The following NFIA variants were observed in gnomAD, a reference collection of about 807,000 sequenced individuals.
NFIA encodes nuclear factor 1 A-type.
Under a neutral mutation model 62.8 loss-of-function variants are expected in NFIA, and 8 were observed. The ratio of observed to expected loss-of-function variants is 0.13; its 90% CI spans 0.07 to 0.23. NFIA has a LOEUF of 0.23. NFIA is among the 10% of genes least tolerant of loss of function. The pLI, the probability that NFIA is intolerant of heterozygous loss-of-function variation, is 1.00. For synonymous variants in NFIA, 235 were observed against 238.1 expected (o/e 0.99, Z 0.12); for missense variants, 410 against 642.1 (o/e 0.64, Z 3.91).
intron 2 of NFIA, among the ~76,000 whole-genome samples, chr1:61,166,816 T>C (rs769683926): frequency 2.0e-5 from 3 of 152,194 alleles, no homozygotes; most frequent in African/African-American, 7.2e-5. Flanking sequence ...AGGATAAATA[T>C]AGTGTTCTTG....
intron 10 of NFIA, among the ~76,000 whole-genome samples, chr1:61,433,624 T>C (rs542862703): frequency 6.6e-6 from 1 of 152,200 alleles, no homozygotes; most frequent in Non-Finnish European, 1.5e-5. Flanking sequence ...TAACACCTAA[T>C]GAATACCTAA....
At chr1:61,147,575 A>G (rs1182061965) in intron 2 of NFIA, among the ~76,000 whole-genome samples, 1 of 152,238 alleles carries the variant, frequency 6.6e-6, no homozygotes, top group Non-Finnish European at 1.5e-5. Context: ...AAAAATTTTA[A>G]ATTAGAATCT....
chr1:61,428,422 G>A (rs1034896325), intron 10 of NFIA, among the ~76,000 whole-genome samples: 26 of 147,816 alleles, frequency 1.8e-4, no homozygotes, highest in Admixed American at 1.2e-3. Context: ...AATATTTGGC[G>A]TCATGGGGAC....
intron 2 of NFIA, among the ~76,000 whole-genome samples, chr1:61,110,064 G>T (rs1025331065): frequency 6.6e-6 from 1 of 151,618 alleles, no homozygotes; most frequent in Non-Finnish European, 1.5e-5. Context: ...AGAGATAAGG[G>T]GGGCAGAGAG....
chr1:61,304,076 G>C (rs1375535847), intron 3 of NFIA, among the ~76,000 whole-genome samples: 1 of 152,070 alleles, frequency 6.6e-6, no homozygotes, highest in Non-Finnish European at 1.5e-5. Flanking sequence ...GGAAGTTCGA[G>C]ACCAGCCTGG....
intron 2 of NFIA, among the ~76,000 whole-genome samples, chr1:61,212,827 C>G (rs1653351076): frequency 6.6e-6 from 1 of 152,188 alleles, no homozygotes; most frequent in African/African-American, 2.4e-5. Flanking sequence ...TGTGGTTAAA[C>G]CACTTGTGGA....
At chr1:61,268,279 C>T (rs779919290) in intron 2 of NFIA, among the ~76,000 whole-genome samples, 10 of 152,208 alleles carry the variant, frequency 6.6e-5, no homozygotes, top group Non-Finnish European at 1.2e-4. Flanking sequence ...ATTCTTACTC[C>T]TATCCTTTCA....
chr1:61,322,736 A>C (rs1660739966), intron 3 of NFIA, among the ~76,000 whole-genome samples: 1 of 152,154 alleles, frequency 6.6e-6, no homozygotes, highest in Admixed American at 6.6e-5. Context: ...TTCTCCTAGA[A>C]AGGTATTACA....
At chr1:61,077,534 A>G, upstream of NFIA, 1 of 1,105,176 alleles carries the variant, frequency 9.0e-7, no homozygotes, top group Non-Finnish European at 1.2e-6. Flanking sequence ...AAGTTTATTT[A>G]GATATTTTTT....
chr1:61,101,411 A>G lies in NFIA; in HGVS notation c.559+12731A>G, dbSNP rs1354404550. ...ACTCCATCTCAAAAAAAAAAAAAAA[A>G]AAAGTAGTTCGCCACCATAGCATGT... On this transcript the variant is annotated intron_variant, in intron 2 of 10. Transcript: ENST00000403491. Among the ~76,000 whole-genome samples, 5 of 152,150 alleles carry G rather than the reference A, an allele frequency of 3.3e-5. No homozygotes were observed. In the East Asian group the frequency reaches 7.7e-4, roughly 24 times the overall value.
intron 2 of NFIA, among the ~76,000 whole-genome samples, chr1:61,141,744 T>C (rs1413704045): frequency 2.6e-5 from 4 of 152,206 alleles, no homozygotes; most frequent in Non-Finnish European, 4.4e-5. Context: ...CACACCAAAA[T>C]AGTTTCATTA....
chr1:61,296,698 C>A (rs1309287198), intron 3 of NFIA, among the ~76,000 whole-genome samples: 2 of 152,122 alleles, frequency 1.3e-5, no homozygotes, highest in African/African-American at 2.4e-5. Flanking sequence ...TCGATTTCTA[C>A]CCCCTCGTCA....
At chr1:61,333,068 TAC>T (rs34809808) in intron 4 of NFIA, among the ~76,000 whole-genome samples, 7,460 of 132,058 alleles carry the variant, frequency 0.056, 520 homozygotes, top group African/African-American at 0.17. Context: ...CACACACACA[TAC>T]ACACACACAC....
chr1:61,193,347 T>C (rs1651772583), intron 2 of NFIA, among the ~76,000 whole-genome samples: 1 of 152,236 alleles, frequency 6.6e-6, no homozygotes, highest in African/African-American at 2.4e-5. Flanking sequence ...AAGGATCTTT[T>C]GTTTGCGTGT....
chr1:61,174,732 G>A (rs1241682458), intron 2 of NFIA, among the ~76,000 whole-genome samples: 9 of 152,324 alleles, frequency 5.9e-5, no homozygotes, highest in African/African-American at 1.9e-4. Flanking sequence ...AGTACCTCCT[G>A]TGTGCCTGAT....
chr1:61,176,085 G>A (rs752025190), intron 2 of NFIA, among the ~76,000 whole-genome samples: 5 of 152,212 alleles, frequency 3.3e-5, no homozygotes, highest in Non-Finnish European at 5.9e-5. Flanking sequence ...AAGCAGAGAG[G>A]TTGGGGAGAA....
intron 3 of NFIA, among the ~76,000 whole-genome samples, chr1:61,311,242 T>C (rs1274336782): frequency 6.6e-6 from 1 of 151,894 alleles, no homozygotes; most frequent in Non-Finnish European, 1.5e-5. Context: ...AAATACAAAA[T>C]TATCCGGGTT....
chr1:61,176,843 A>G (rs565339069), intron 2 of NFIA, among the ~76,000 whole-genome samples: 58 of 152,192 alleles, frequency 3.8e-4, no homozygotes, highest in African/African-American at 9.9e-4. Context: ...GGTGGCTCAT[A>G]CCTGTAATCC....
At chr1:61,082,485 G>A, upstream of NFIA, 1 of 1,105,020 alleles carries the variant, frequency 9.0e-7, no homozygotes, top group Non-Finnish European at 1.1e-6. Flanking sequence ...CGGCGCGGGA[G>A]CGGGAAAGGG....
Sources: gnomAD v4.1 joint callset for allele counts (sites outside exome capture counted in the v4.1 genomes callset) on GRCh38, gnomAD v4.1.1 for gene constraint, MANE v1.5 for transcripts, NCBI Gene and HGNC (gene_info 2026-07-23, HGNC 2026-07-21) for gene names.